Variants in FGF12 observed in about 807,000 individuals in gnomAD.
The protein encoded by FGF12 is fibroblast growth factor 12.
FGF12 carries 14 observed loss-of-function variants against 23.6 expected under a neutral mutation model. That is an observed-to-expected ratio of 0.59 (90% confidence interval 0.39 to 0.93). The LOEUF (loss-of-function observed/expected upper bound fraction) is 0.93, where lower values mean the gene tolerates loss of function less well. Ranked by LOEUF, FGF12 falls within the 40% of genes least tolerant of loss-of-function variation. FGF12 has a pLI of 0.00. For missense variants in FGF12, 175 were observed against 217.8 expected, an observed-to-expected ratio of 0.80 and a Z score of 1.24; for synonymous variants, 62 against 77.3, an observed-to-expected ratio of 0.80 and a Z score of 1.04.
At chr3:192,642,627 GC>G (rs1481271294) in intron 2 of FGF12, among the ~76,000 whole-genome samples, 1 of 152,184 alleles carries the variant, frequency 6.6e-6, no homozygotes, top group African/African-American at 2.4e-5. Context: ...TTCAAAAGTT[GC>G]CAAACTAAGA....
chr3:192,349,132 T>C (rs1292215508), intron 3 of FGF12, among the ~76,000 whole-genome samples: 1 of 152,122 alleles, frequency 6.6e-6, no homozygotes, highest in East Asian at 1.9e-4. Context: ...AGCTGGTGGC[T>C]AAAAACAGTG....
intron 2 of FGF12, among the ~76,000 whole-genome samples, chr3:192,714,724 T>C (rs1718810525): frequency 6.6e-6 from 1 of 152,032 alleles, no homozygotes; most frequent in South Asian, 2.1e-4. Context: ...TTCATCGTTT[T>C]AGCCGGGATG....
At chr3:192,609,669 A>G (rs377288947) in intron 2 of FGF12, among the ~76,000 whole-genome samples, 3 of 147,976 alleles carry the variant, frequency 2.0e-5, no homozygotes, top group East Asian at 3.9e-4. Context: ...GAACCCGTAA[A>G]ATAGTTGTTA....
At chr3:192,312,724 G>T (rs1716017434) in intron 4 of FGF12, among the ~76,000 whole-genome samples, 1 of 147,372 alleles carries the variant, frequency 6.8e-6, no homozygotes, top group Admixed American at 6.7e-5. Flanking sequence ...TCCAGCCTGG[G>T]CAACAGAGTG....
At chr3:192,526,952 G>T (rs1411410344) in intron 2 of FGF12, among the ~76,000 whole-genome samples, 1 of 152,116 alleles carries the variant, frequency 6.6e-6, no homozygotes, top group African/African-American at 2.4e-5. Context: ...AAATCCAAAA[G>T]AAATGCAAGC....
intron 4 of FGF12, among the ~76,000 whole-genome samples, chr3:192,182,458 A>G (rs939565082): frequency 6.6e-6 from 1 of 152,204 alleles, no homozygotes; most frequent in African/African-American, 2.4e-5. Flanking sequence ...AGGATATACC[A>G]TAAGTTTTCC....
chr3:192,403,383 G>A (rs1305981071), intron 2 of FGF12, among the ~76,000 whole-genome samples: 1 of 152,122 alleles, frequency 6.6e-6, no homozygotes, highest in African/African-American at 2.4e-5. Flanking sequence ...TGGGATGAAA[G>A]AAATCAAGAG....
rs902348592 is a variant in FGF12, at chr3:192,510,014, C to T, written c.14-149476G>A. 6.0e-4 allele frequency among the ~76,000 whole-genome samples: 91 copies of T among 152,124 alleles called. 1 individual carries two copies. The highest frequency in any genetic ancestry group is 1.5e-4 in the Non-Finnish European group (10 of 68,026). ...CATTAAATGTCTATCATAGGTCATA[C>T]GGCGGGGCTCTTCATCACAGATACT... On this transcript the variant is annotated intron_variant, in intron 2 of 5. Transcript: ENST00000445105.
At chr3:192,726,762 A>T (rs189963614) in intron 2 of FGF12, 1 of 192,522 alleles carries the variant, frequency 5.2e-6, no homozygotes, top group Non-Finnish European at 1.1e-5. Context: ...AAATTCAAAC[A>T]TTTTTTTTTT....
chr3:192,392,302 C>T (rs1720324889), intron 2 of FGF12, among the ~76,000 whole-genome samples: 1 of 151,988 alleles, frequency 6.6e-6, no homozygotes, highest in Non-Finnish European at 1.5e-5. Flanking sequence ...TGAGCAGTGG[C>T]TCACGCCTGT....
intron 4 of FGF12, among the ~76,000 whole-genome samples, chr3:192,298,654 G>A (rs1159312738): frequency 1.3e-5 from 2 of 152,200 alleles, no homozygotes; most frequent in African/African-American, 4.8e-5. Flanking sequence ...GGAGGCTGAG[G>A]CAGAATCACT....
chr3:192,344,549 T>C (rs761348672), intron 3 of FGF12, among the ~76,000 whole-genome samples: 3 of 152,228 alleles, frequency 2.0e-5, no homozygotes, highest in Non-Finnish European at 4.4e-5. Flanking sequence ...GACTGATTTA[T>C]TTTCTCACTG....
chr3:192,185,538 T>C (rs1389802885), intron 4 of FGF12, among the ~76,000 whole-genome samples: 1 of 151,940 alleles, frequency 6.6e-6, no homozygotes, highest in Non-Finnish European at 1.5e-5. Context: ...TTTTTTTTCA[T>C]GAATTTTTTT....
intron 3 of FGF12, among the ~76,000 whole-genome samples, chr3:192,350,221 A>G (rs1718155493): frequency 6.6e-6 from 1 of 152,188 alleles, no homozygotes; most frequent in Non-Finnish European, 1.5e-5. Context: ...GCATAAAATC[A>G]TAAGAGATGT....
At chr3:192,170,215 G>A (rs1371954915) in intron 5 of FGF12, among the ~76,000 whole-genome samples, 3 of 146,816 alleles carry the variant, frequency 2.0e-5, no homozygotes, top group Non-Finnish European at 4.5e-5. Context: ...TCCGGGAGGA[G>A]GTTGCAGTGA....
chr3:192,543,585 C>T (rs1017183929), intron 2 of FGF12, among the ~76,000 whole-genome samples: 2 of 152,132 alleles, frequency 1.3e-5, no homozygotes, highest in Non-Finnish European at 2.9e-5. Context: ...CGGAGTCTCT[C>T]CCTATAGCCA....
chr3:192,561,028 G>C (rs968222112), intron 2 of FGF12, among the ~76,000 whole-genome samples: 1 of 152,120 alleles, frequency 6.6e-6, no homozygotes. Context: ...ATTATGCTAA[G>C]TGAAAGAAGA....
At position 192,170,542 on chromosome 3, in the gene FGF12, G is replaced by A; in HGVS notation, c.343C>T (p.Leu115Phe). Residue 115 changes from leucine (L) to phenylalanine (F), a missense_variant, in exon 5 of 6, where the codon CTC (leucine) becomes TTC (phenylalanine). Leu to Phe is a conservative substitution (Grantham distance 22, BLOSUM62 0). Coordinates refer to ENST00000445105, the MANE Select transcript of FGF12 (RefSeq NM_004113.6). ...QESGRAWFLGLNKEGQIMKGN... is the reference protein window; with the variant it reads ...QESGRAWFLGFNKEGQIMKGN... ...TTCATAATTTGACCTTCTTTATTGA[G>A]TCCCAGAAACCAAGCTCGGCCTGAT... The A allele has an allele frequency of 6.2e-7, 1 of 1,613,848 alleles. No homozygotes were observed. Among genetic ancestry groups the A allele is most frequent in the Non-Finnish European group, 8.5e-7 (1 of 1,179,974 alleles).
intron 5 of FGF12, among the ~76,000 whole-genome samples, chr3:192,158,367 T>TTTCTTTCTTTCTTTC (rs769434220): frequency 0.013 from 1,648 of 122,488 alleles, 35 homozygotes; most frequent in African/African-American, 0.022. Flanking sequence ...TCTTTCTTTC[T>TTTCTTTCTTTCTTTC]TTCTTTCTTT....
Sources: gnomAD v4.1 joint callset for allele counts (sites outside exome capture counted in the v4.1 genomes callset) on GRCh38, gnomAD v4.1.1 for gene constraint, MANE v1.5 for transcripts, NCBI Gene and HGNC (gene_info 2026-07-23, HGNC 2026-07-21) for gene names.